ACER1: variants seen among roughly 807,000 people sequenced by gnomAD.
ACER1 encodes CTB-180A7.3.
In ACER1, 28 loss-of-function variants were observed where a neutral mutation model predicts 24.9. The observed-to-expected ratio is 1.13, with a 90% CI of 0.83 to 1.54. The LOEUF is 1.54. Ranked by LOEUF, ACER1 falls within the 40% of genes most tolerant of loss-of-function variation. The pLI, the probability that ACER1 is intolerant of heterozygous loss-of-function variation, is 0.00. For synonymous variants in ACER1, 132 were observed against 131.4 expected (o/e 1.00, Z -0.03); for missense variants, 352 against 349.3 (o/e 1.01, Z -0.06).
the ACER1 span, among the ~76,000 whole-genome samples, chr19:6,347,417 G>A: frequency 2.6e-5 from 4 of 151,586 alleles, no homozygotes; most frequent in Admixed American, 6.6e-5. Context: ...ATGAGGTTTC[G>A]CCATGTTACC....
At chr19:6,331,179 C>A (rs1296442217) in intron 1 of ACER1, among the ~76,000 whole-genome samples, 1 of 139,142 alleles carries the variant, frequency 7.2e-6, no homozygotes, top group Non-Finnish European at 1.5e-5. Flanking sequence ...GAGATGAGGT[C>A]TCGCTCTGTC....
At chr19:6,326,465 A>T (rs368271391) in intron 1 of ACER1, among the ~76,000 whole-genome samples, 1 of 150,862 alleles carries the variant, frequency 6.6e-6, no homozygotes, top group Non-Finnish European at 1.5e-5. Flanking sequence ...GGGTCTTGCT[A>T]TATTGCCCAG....
In ACER1 at chr19:6,312,441, T is replaced by C. The variant is rs1273581672; in HGVS notation, c.152A>G (p.Tyr51Cys). Residue 51 changes from tyrosine to cysteine, a missense_variant, in exon 2 of 6, where the codon TAT becomes TGT. Coordinates refer to ENST00000301452, the MANE Select transcript of ACER1 (RefSeq NM_133492.3). ...GPLMMLLMHPYAQKRSRYIYV... is the reference protein window; with the variant it reads ...GPLMMLLMHPCAQKRSRYIYV... The stretch of plus-strand genomic sequence containing the variant: ...AATGTAGCGGGAGCGCTTCTGGGCA[T>C]ACGGGTGCATCAGGAGCATCATCAG... The C allele has an allele frequency of 6.2e-7, 1 of 1,613,848 alleles. No homozygotes were observed. Among genetic ancestry groups the C allele is most frequent in the Non-Finnish European group, 8.5e-7 (1 of 1,180,024 alleles).
the ACER1 span, among the ~76,000 whole-genome samples, chr19:6,355,342 G>A: frequency 4.1e-5 from 6 of 145,848 alleles, no homozygotes; most frequent in South Asian, 2.2e-4. Flanking sequence ...AGTGAGGAGC[G>A]TCTCTGCCTG....
chr19:6,325,814 CA>C (rs1225750602), intron 1 of ACER1, among the ~76,000 whole-genome samples: 2 of 151,108 alleles, frequency 1.3e-5, no homozygotes, highest in Admixed American at 1.3e-4. Context: ...GAGCTATGAT[CA>C]CACCGCTGTA....
intron 3 of ACER1, among the ~76,000 whole-genome samples, chr19:6,311,434 C>T (rs962816836): frequency 3.3e-5 from 5 of 151,844 alleles, no homozygotes; most frequent in Non-Finnish European, 5.9e-5. Flanking sequence ...CCCAGCTACT[C>T]GGGAGGCTGA....
At chr19:6,318,743 G>A in intron 1 of ACER1, among the ~76,000 whole-genome samples, 1 of 150,846 alleles carries the variant, frequency 6.6e-6, no homozygotes, top group Non-Finnish European at 1.5e-5. Context: ...CTGAGATCGT[G>A]CCACTGCACT....
At chr19:6,324,698 G>C (rs1234704653) in intron 1 of ACER1, among the ~76,000 whole-genome samples, 7 of 151,736 alleles carry the variant, frequency 4.6e-5, no homozygotes, top group Non-Finnish European at 4.4e-5. Context: ...CCGGGAGGCA[G>C]AGATTGCACT....
chr19:6,339,552 T>C, the ACER1 span, among the ~76,000 whole-genome samples: 1 of 152,192 alleles, frequency 6.6e-6, no homozygotes, highest in East Asian at 1.9e-4. Context: ...GATGGCTGCA[T>C]AGACATGCGA....
rs553024978 is a variant in ACER1, at chr19:6,306,634, G to T, written c.*80C>A. The T allele has an allele frequency of 3.1e-5, 46 of 1,500,388 alleles. 1 individual carries two copies. The South Asian group carries it at 5.6e-4, about 18-fold the overall frequency. The allele number at this position is 1,500,388 out of a possible 1,614,324, so 92.9% of individuals were successfully genotyped here. ...GGAAGGAACCACGAGTGTCCCGCAG[G>T]TGCAAGTCCTGACCGGGGCTATCTT... On this transcript the variant is annotated 3_prime_UTR_variant, in exon 6 of 6. Transcript: ENST00000301452.
chr19:6,330,016 G>A (rs11881739), intron 1 of ACER1, among the ~76,000 whole-genome samples: 4,110 of 149,090 alleles, frequency 0.028, 197 homozygotes, highest in African/African-American at 0.096. Context: ...GACCACAGGC[G>A]CCCGCCACCA....
At chr19:6,355,845 G>A in the ACER1 span, among the ~76,000 whole-genome samples, 6 of 148,648 alleles carry the variant, frequency 4.0e-5, no homozygotes, top group Admixed American at 2.6e-4. Context: ...CGGGAGGGAG[G>A]TGGGGGGGTC....
chr19:6,342,714 A>G, the ACER1 span, among the ~76,000 whole-genome samples: 4 of 152,014 alleles, frequency 2.6e-5, no homozygotes, highest in Non-Finnish European at 5.9e-5. Context: ...GCAAGACTCA[A>G]TCTCAAAAAA....
chr19:6,359,650 C>CG, the ACER1 span, among the ~76,000 whole-genome samples: 1 of 151,602 alleles, frequency 6.6e-6, no homozygotes, highest in Non-Finnish European at 1.5e-5. Flanking sequence ...AGGACTGCCC[C>CG]GGGAAAAAAA....
the ACER1 span, among the ~76,000 whole-genome samples, chr19:6,352,858 C>T: frequency 6.6e-6 from 1 of 152,172 alleles, no homozygotes; most frequent in East Asian, 1.9e-4. Flanking sequence ...TCTATCATTT[C>T]AATAGGCCCA....
At chr19:6,330,288 C>T (rs1330640409) in intron 1 of ACER1, among the ~76,000 whole-genome samples, 1 of 150,132 alleles carries the variant, frequency 6.7e-6, no homozygotes, top group African/African-American at 2.5e-5. Context: ...GTGCCTCAGC[C>T]TCCCCAGTAG....
chr19:6,349,108 AGAG>A, the ACER1 span, among the ~76,000 whole-genome samples: 29 of 150,386 alleles, frequency 1.9e-4, no homozygotes, highest in South Asian at 4.2e-4. Flanking sequence ...AAGAGGAAGA[AGAG>A]GAGGAGGAGG....
chr19:6,347,109 A>AATATATATATATATATATATATATAT, the ACER1 span, among the ~76,000 whole-genome samples: 1 of 113,768 alleles, frequency 8.8e-6, no homozygotes, highest in African/African-American at 5.1e-5. Flanking sequence ...AAAAAAAAAA[A>AATATATATATATATATATATATATAT]ATATATATAT....
chr19:6,356,485 T>A, the ACER1 span, among the ~76,000 whole-genome samples: 1 of 149,426 alleles, frequency 6.7e-6, no homozygotes, highest in Non-Finnish European at 1.5e-5. Flanking sequence ...ATAAATAAAA[T>A]AAATAAATAA....
Sources: allele counts gnomAD v4.1 joint callset (sites outside exome capture counted in the v4.1 genomes callset), GRCh38; gene constraint gnomAD v4.1.1; transcripts MANE v1.5; gene names NCBI Gene and HGNC (gene_info 2026-07-23, HGNC 2026-07-21).